Variants in DENND4C observed in about 807,000 individuals in gnomAD.
DENND4C encodes DENN domain-containing protein 4C.
Under a neutral mutation model 203.0 loss-of-function variants are expected in DENND4C, and 108 were observed. The ratio of observed to expected loss-of-function variants is 0.53; its 90% CI spans 0.46 to 0.62. The LOEUF (loss-of-function observed/expected upper bound fraction) is 0.62, where lower values mean the gene tolerates loss of function less well. Among genes scored for constraint, DENND4C ranks in the 20% least tolerant of loss-of-function variants. The pLI is 0.00. For missense variants in DENND4C, 2,481 were observed against 2,301.2 expected (o/e 1.08, Z -1.60); for synonymous variants, 871 against 792.4 (o/e 1.10, Z -1.67).
intron 5 of DENND4C, 102 bp from the exon 6 acceptor site, chr9:19,295,905 TA>T: frequency 1.2e-6 from 1 of 866,978 alleles, no homozygotes; most frequent in Non-Finnish European, 1.8e-6. Context: ...TTTATCTGTA[TA>T]AGTGTACTCC....
At chr9:19,277,453 T>G (rs1248178630) in intron 2 of DENND4C, among the ~76,000 whole-genome samples, 1 of 152,226 alleles carries the variant, frequency 6.6e-6, no homozygotes, top group Non-Finnish European at 1.5e-5. Flanking sequence ...TGTTGTTTTC[T>G]TAATTTTTGG....
rs374691008 is a variant in DENND4C at position 19,336,644 on chromosome 9, T to C, written c.2735-42T>C. The C allele has an allele frequency of 2.6e-6, 4 of 1,526,218 alleles. No individual in the cohort carries two copies. In the South Asian group the frequency reaches 3.7e-5, roughly 14 times the overall value. The allele number at this position is 1,526,218 out of a possible 1,614,324, so 94.5% of individuals were successfully genotyped here. A position where few individuals can be genotyped will look rare whatever the true frequency, so the allele number is the denominator to read the frequency against. On this transcript the variant is annotated intron_variant, in intron 19 of 32. Coordinates refer to ENST00000434457, the MANE Select transcript of DENND4C (RefSeq NM_001330640.2). ...CAATCATGTTTAGTTTAAGAGATTATCAATGCATGAGTTATTGAACTGCTA... is the reference window on the plus strand; with the variant it reads ...CAATCATGTTTAGTTTAAGAGATTACCAATGCATGAGTTATTGAACTGCTA...
At position 19,358,054 on chromosome 9, in the gene DENND4C, C is replaced by T; in HGVS notation, c.5054C>T (p.Thr1685Ile). ...TTATCAAAGCGAAATGTGTCTTTGA[C>T]TCGAAGTCACAGTGTTGGAGGCCCA... is the stretch of plus-strand genomic sequence containing the variant. ...NSLSKRNVSL[T>I]RSHSVGGPLQ... The change falls in exon 28 of 33, where the codon ACT becomes ATT. Residue 1685 changes from threonine to isoleucine, a missense_variant. Physicochemically the swap from Thr to Ile is moderately conservative, Grantham distance 89. Around this residue, in one of 3 missense-constraint regions of DENND4C, gnomAD observed 2,289 missense variants for 2,113.3 expected, o/e 1.08. Coordinates refer to ENST00000434457, the MANE Select transcript of DENND4C (RefSeq NM_001330640.2). This position sits in a 1 kb window ranked among gnomAD's most constrained non-coding sequence, Gnocchi z 4.8. 6.2e-7 allele frequency: 1 copy of T among 1,613,912 alleles called. No homozygotes were observed. Among genetic ancestry groups the T allele is most frequent in the Non-Finnish European group, 8.5e-7 (1 of 1,179,838 alleles).
At chr9:19,268,274 A>AT (rs890947288) in intron 1 of DENND4C, among the ~76,000 whole-genome samples, 5 of 151,528 alleles carry the variant, frequency 3.3e-5, no homozygotes, top group African/African-American at 9.7e-5. Flanking sequence ...GAATTTTTGT[A>AT]TTTTTTGTAG....
At chr9:19,248,470 AC>A (rs1479449941) in intron 1 of DENND4C, among the ~76,000 whole-genome samples, 2 of 151,632 alleles carry the variant, frequency 1.3e-5, no homozygotes, top group Non-Finnish European at 2.9e-5. Context: ...GCTCACCGCA[AC>A]CTCCGCCTCC....
intron 30 of DENND4C, among the ~76,000 whole-genome samples, chr9:19,363,467 A>G (rs1366493777): frequency 6.6e-6 from 1 of 151,446 alleles, no homozygotes; most frequent in Non-Finnish European, 1.5e-5. Context: ...AGCCAAGATC[A>G]CTCCAGCCTG....
At chr9:19,356,805 G>C (rs1389100078) in intron 26 of DENND4C, among the ~76,000 whole-genome samples, 167 bp from the exon 27 acceptor site, 2 of 151,634 alleles carry the variant, frequency 1.3e-5, no homozygotes, top group African/African-American at 2.4e-5. Context: ...GAGAGAGAGA[G>C]AGAGAGAGAG....
At chr9:19,355,867 G>C (rs960052536) in intron 26 of DENND4C, among the ~76,000 whole-genome samples, 15 of 151,892 alleles carry the variant, frequency 9.9e-5, no homozygotes, top group African/African-American at 3.6e-4. Context: ...CTGTGAGCCT[G>C]GTATATCTCT....
chr9:19,344,814 T>TAA (rs137870294), intron 22 of DENND4C, among the ~76,000 whole-genome samples: 44 of 151,184 alleles, frequency 2.9e-4, no homozygotes, highest in African/African-American at 1.1e-3. Flanking sequence ...AACCCTAACT[T>TAA]AAAAAAAAAT....
chr9:19,241,320 C>T lies in DENND4C; in HGVS notation c.-18+10487C>T, dbSNP rs143057177. On this transcript the variant is annotated intron_variant, in intron 1 of 32. Coordinates refer to ENST00000434457, the MANE Select transcript of DENND4C (RefSeq NM_001330640.2). ...AACACTTAAATACAAACGCATTTTA[C>T]AGGTGTACAGAAATATTATTCTTTA... Among the ~76,000 whole-genome samples, 588 of 152,154 alleles carry T rather than the reference C, an allele frequency of 3.9e-3. 1 individual carries two copies. Among genetic ancestry groups the T allele is most frequent in the African/African-American group, 0.013 (542 of 41,504 alleles).
intron 12 of DENND4C, among the ~76,000 whole-genome samples, chr9:19,319,631 A>G (rs1384118952): frequency 1.3e-5 from 2 of 151,764 alleles, no homozygotes; most frequent in Admixed American, 1.3e-4. Flanking sequence ...AAGAATATGG[A>G]TTGTACGGAA....
chr9:19,243,620 C>G (rs902648909), intron 1 of DENND4C, among the ~76,000 whole-genome samples: 1 of 152,226 alleles, frequency 6.6e-6, no homozygotes, highest in East Asian at 1.9e-4. Flanking sequence ...CAATGTGTGA[C>G]CTTTTGTGTC....
At chr9:19,239,033 C>T (rs928708508) in intron 1 of DENND4C, among the ~76,000 whole-genome samples, 1 of 151,896 alleles carries the variant, frequency 6.6e-6, no homozygotes, top group Admixed American at 6.6e-5. Context: ...ATTGGTAATT[C>T]CAGCCTCTTG....
Position 19,358,058 on chromosome 9 carries a change from A to T in DENND4C, c.5058A>T (p.Arg1686=). The T allele has an allele frequency of 6.2e-7, 1 of 1,613,966 alleles. No homozygotes were observed. The highest frequency in any genetic ancestry group is 2.2e-5 in the East Asian group (1 of 44,870). ...SLSKRNVSLT[R]SHSVGGPLQN... The stretch of plus-strand genomic sequence containing the variant: ...CAAAGCGAAATGTGTCTTTGACTCG[A>T]AGTCACAGTGTTGGAGGCCCATTGC... The change falls in exon 28 of 33, where the codon CGA becomes CGT. Residue 1686 remains arginine (R), a synonymous_variant. Coordinates refer to ENST00000434457, the MANE Select transcript of DENND4C (RefSeq NM_001330640.2). The surrounding 1 kb of genome is among the most constrained non-coding windows in gnomAD (Gnocchi z 4.8).
intron 26 of DENND4C, among the ~76,000 whole-genome samples, chr9:19,353,403 G>A (rs1307049446): frequency 2.0e-5 from 3 of 152,102 alleles, no homozygotes; most frequent in African/African-American, 7.2e-5. Flanking sequence ...CCAGACAGGT[G>A]GATTGCCTGA....
intron 2 of DENND4C, among the ~76,000 whole-genome samples, chr9:19,282,065 T>C (rs576210430): frequency 2.4e-4 from 36 of 152,304 alleles, no homozygotes; most frequent in Non-Finnish European, 4.6e-4. Context: ...TTTAGTAAAT[T>C]AACTTTAGCT....
In DENND4C at chr9:19,332,167, G is replaced by T; in HGVS notation, c.2443G>T (p.Val815Leu). The T allele has an allele frequency of 6.2e-7, 1 of 1,613,852 alleles. No homozygotes were observed. The highest frequency in any genetic ancestry group is 1.1e-5 in the South Asian group (1 of 91,072). The part of the protein sequence containing the change: ...DVLIKMRKTD[V>L]DPLDEVCYRV... ...ACTTATTAAGATGAGGAAAACAGAT[G>T]TGGATCCCTTAGATGAGGCAAGTAT... The change falls in exon 17 of 33, where the codon GTG (valine) becomes TTG (leucine). Residue 815 changes from valine to leucine, a missense_variant. Val to Leu is a conservative substitution (Grantham distance 32, BLOSUM62 1). Around this residue, in one of 3 missense-constraint regions of DENND4C, gnomAD observed 2,289 missense variants for 2,113.3 expected, o/e 1.08. Coordinates refer to ENST00000434457, the MANE Select transcript of DENND4C (RefSeq NM_001330640.2).
rs1008114899 is a variant in DENND4C, at chr9:19,328,011, A to T, written c.2121-19A>T. On this transcript the variant is annotated intron_variant, in intron 15 of 32. Coordinates refer to ENST00000434457, the MANE Select transcript of DENND4C (RefSeq NM_001330640.2). ...TGGTGTGTTTTAAATCAGCAGTTCT[A>T]TTTTTTTTTTTATTTTAGTTACAAA... 4.1e-6 allele frequency: 5 copies of T among 1,215,680 alleles called. No individual in the cohort carries two copies. The highest frequency in any genetic ancestry group is 5.9e-5 in the East Asian group (2 of 34,104). The allele number at this position is 1,215,680 out of a possible 1,614,324, so 75.3% of individuals were successfully genotyped here. A position where few individuals can be genotyped will look rare whatever the true frequency, so the allele number is the denominator to read the frequency against.
chr9:19,330,808 G>T (rs2131771569), intron 16 of DENND4C, among the ~76,000 whole-genome samples: 1 of 152,152 alleles, frequency 6.6e-6, no homozygotes, highest in South Asian at 2.1e-4. Context: ...CCAGCACTTT[G>T]GGAGGCTGAG....
Sources: allele counts gnomAD v4.1 joint callset (sites outside exome capture counted in the v4.1 genomes callset), GRCh38; gene constraint gnomAD v4.1.1; regional missense constraint gnomAD v4.1.1; non-coding constraint Gnocchi (gnomAD v3.1); transcripts MANE v1.5; gene names NCBI Gene and HGNC (gene_info 2026-07-23, HGNC 2026-07-21).